Variants in DOK6 observed in about 807,000 individuals in gnomAD.
DOK6 encodes the protein downstream of tyrosine kinase 6.
In DOK6, 22 loss-of-function variants were observed where a neutral mutation model predicts 44.0. The observed-to-expected ratio is 0.50, with a 90% CI of 0.36 to 0.71. The LOEUF (loss-of-function observed/expected upper bound fraction) is 0.71, where lower values mean the gene tolerates loss of function less well. Ranked by LOEUF, DOK6 falls within the 30% of genes least tolerant of loss-of-function variation. The pLI is 0.00. For synonymous variants in DOK6, 166 were observed against 145.5 expected, an observed-to-expected ratio of 1.14 and a Z score of -1.01; for missense variants, 340 against 416.4, an observed-to-expected ratio of 0.82 and a Z score of 1.60.
At chr18:69,836,636 T>A (rs760533007) in intron 7 of DOK6, among the ~76,000 whole-genome samples, 9 of 152,230 alleles carry the variant, frequency 5.9e-5, no homozygotes, top group Non-Finnish European at 1.0e-4. Flanking sequence ...TTTTATTGCT[T>A]TTAAATTGTA....
intron 6 of DOK6, among the ~76,000 whole-genome samples, chr18:69,747,758 C>T (rs7241802): frequency 0.7 from 106,875 of 152,042 alleles, 39,556 homozygotes; most frequent in East Asian, 0.85. Flanking sequence ...AATTGCTAGG[C>T]TTTCTAAGAA....
chr18:69,532,313 C>T (rs937922204), intron 1 of DOK6, among the ~76,000 whole-genome samples: 8 of 152,068 alleles, frequency 5.3e-5, no homozygotes, highest in African/African-American at 1.4e-4. Context: ...ATTTGCAGAG[C>T]TCTCAGTGTC....
chr18:69,622,331 T>G (rs1347379362), intron 3 of DOK6, among the ~76,000 whole-genome samples: 1 of 152,230 alleles, frequency 6.6e-6, no homozygotes, highest in East Asian at 1.9e-4. Flanking sequence ...AGCTTCGTAT[T>G]GTGGAAACAC....
intron 7 of DOK6, among the ~76,000 whole-genome samples, chr18:69,806,280 C>A (rs937835842): frequency 6.6e-6 from 1 of 151,904 alleles, no homozygotes; most frequent in Non-Finnish European, 1.5e-5. Flanking sequence ...CCAAGAAATT[C>A]TTATTGGAAG....
intron 1 of DOK6, among the ~76,000 whole-genome samples, chr18:69,482,699 A>G (rs968847680): frequency 1.3e-5 from 2 of 151,946 alleles, no homozygotes; most frequent in Admixed American, 6.6e-5. Flanking sequence ...TATCTCTGCT[A>G]TGCATCCTTA....
chr18:69,612,454 C>A (rs1984175759), intron 3 of DOK6, among the ~76,000 whole-genome samples: 1 of 146,414 alleles, frequency 6.8e-6, no homozygotes. Flanking sequence ...CGCATGTGTG[C>A]GAGCGTGCAT....
At chr18:69,408,856 A>T (rs1978294747) in intron 1 of DOK6, among the ~76,000 whole-genome samples, 1 of 152,194 alleles carries the variant, frequency 6.6e-6, no homozygotes, top group African/African-American at 2.4e-5. Flanking sequence ...ATCAAAATAG[A>T]TGTATTTAAA....
rs75463885 is a variant in DOK6, at chr18:69,671,768, C to G, written c.290-5966C>G. On this transcript the variant is annotated intron_variant, in intron 3 of 7. Transcript: ENST00000382713. Reference sequence around the variant, plus strand: ...TACTCACCAAATTATTTGCATTTGGCTTTAGAATTTGTTTTGAATTTCTGG... The same window carrying G: ...TACTCACCAAATTATTTGCATTTGGGTTTAGAATTTGTTTTGAATTTCTGG... 7.4e-3 allele frequency among the ~76,000 whole-genome samples: 1,125 copies of G among 152,288 alleles called. 21 individuals are homozygous for G. Among genetic ancestry groups the G allele is most frequent in the East Asian group, 0.051 (264 of 5,186 alleles).
At chr18:69,698,213 G>A (rs1441631330) in intron 4 of DOK6, among the ~76,000 whole-genome samples, 191 bp from the exon 5 acceptor site, 1 of 152,178 alleles carries the variant, frequency 6.6e-6, no homozygotes, top group Non-Finnish European at 1.5e-5. Flanking sequence ...TAATGATTCA[G>A]AACACTTTAA....
chr18:69,444,520 A>T (rs148725443), intron 1 of DOK6, among the ~76,000 whole-genome samples: 22 of 152,190 alleles, frequency 1.4e-4, no homozygotes, highest in African/African-American at 4.8e-4. Flanking sequence ...TGAAAACTTC[A>T]GTGGGAAGAA....
chr18:69,561,664 CAGGCAG>C (rs1338389717), intron 1 of DOK6, among the ~76,000 whole-genome samples: 1 of 152,034 alleles, frequency 6.6e-6, no homozygotes, highest in Non-Finnish European at 1.5e-5. Context: ...TGCATCTGAT[CAGGCAG>C]AGGAGAGGCA....
chr18:69,602,503 T>C (rs913987540), intron 3 of DOK6, among the ~76,000 whole-genome samples: 1 of 152,214 alleles, frequency 6.6e-6, no homozygotes, highest in Non-Finnish European at 1.5e-5. Flanking sequence ...ATGTGGTATA[T>C]TGATGGGATC....
intron 3 of DOK6, among the ~76,000 whole-genome samples, chr18:69,669,266 C>A (rs562756459): frequency 6.6e-6 from 1 of 152,324 alleles, no homozygotes; most frequent in Admixed American, 6.5e-5. Context: ...TCTCCACCCT[C>A]AAGTAGGCCC....
intron 1 of DOK6, among the ~76,000 whole-genome samples, chr18:69,533,695 T>A (rs1982045970): frequency 6.6e-6 from 1 of 152,126 alleles, no homozygotes; most frequent in South Asian, 2.1e-4. Flanking sequence ...AAGTTTAGAG[T>A]TTTAGTAGAC....
intron 1 of DOK6, among the ~76,000 whole-genome samples, chr18:69,443,669 C>T (rs534760998): frequency 3.9e-5 from 6 of 152,248 alleles, no homozygotes; most frequent in South Asian, 2.1e-4. Flanking sequence ...CTTGTATCTC[C>T]GGCATTTTCT....
At chr18:69,557,280 G>T (rs939005540) in intron 1 of DOK6, among the ~76,000 whole-genome samples, 4 of 152,124 alleles carry the variant, frequency 2.6e-5, no homozygotes, top group Non-Finnish European at 5.9e-5. Context: ...TACTTGAAGT[G>T]CAGAGTTCAT....
chr18:69,693,983 C>T (rs1451510073), intron 4 of DOK6, among the ~76,000 whole-genome samples: 10 of 138,636 alleles, frequency 7.2e-5, no homozygotes, highest in East Asian at 4.4e-4. Flanking sequence ...GGCGTGAACC[C>T]GGGAGGCGGA....
chr18:69,732,563 A>G (rs1978446796), intron 5 of DOK6, among the ~76,000 whole-genome samples: 1 of 152,190 alleles, frequency 6.6e-6, no homozygotes, highest in African/African-American at 2.4e-5. Context: ...AGACTCAACT[A>G]GTCGTCTTAT....
chr18:69,540,262 C>G (rs2144580488), intron 1 of DOK6, among the ~76,000 whole-genome samples: 1 of 152,246 alleles, frequency 6.6e-6, no homozygotes, highest in East Asian at 1.9e-4. Flanking sequence ...ATCATCATAT[C>G]CTCTTTCTAG....
Sources: allele counts gnomAD v4.1 joint callset (sites outside exome capture counted in the v4.1 genomes callset), GRCh38; gene constraint gnomAD v4.1.1; transcripts MANE v1.5; gene names NCBI Gene and HGNC (gene_info 2026-07-23, HGNC 2026-07-21).